Variants in TNFAIP8 observed in about 807,000 individuals in gnomAD.
The protein encoded by TNFAIP8 is TNF alpha induced protein 8.
In TNFAIP8, 7 loss-of-function variants were observed where a neutral mutation model predicts 13.3. The observed-to-expected ratio is 0.52, with a 90% confidence interval of 0.30 to 0.99. The LOEUF is 0.99. TNFAIP8 is among the 50% of genes least tolerant of loss of function. The pLI is 0.07. For synonymous variants in TNFAIP8, 94 were observed against 87.6 expected (o/e 1.07, Z -0.41); for missense variants, 258 against 236.9 (o/e 1.09, Z -0.58).
intron 1 of TNFAIP8, among the ~76,000 whole-genome samples, chr5:119,316,605 G>A (rs917814880): frequency 6.6e-6 from 1 of 152,152 alleles, no homozygotes; most frequent in Non-Finnish European, 1.5e-5. Context: ...CTCTAAGGCA[G>A]AGATTCTCAC....
chr5:119,277,531 T>G (rs768140471), intron 1 of TNFAIP8, among the ~76,000 whole-genome samples: 2 of 152,202 alleles, frequency 1.3e-5, no homozygotes, highest in Non-Finnish European at 2.9e-5. Context: ...TCTCCTCTTA[T>G]AAGGATACCA....
chr5:119,339,874 GATTA>G (rs1317705726), intron 1 of TNFAIP8, among the ~76,000 whole-genome samples: 1 of 152,156 alleles, frequency 6.6e-6, no homozygotes, highest in South Asian at 2.1e-4. Flanking sequence ...CACCATATTT[GATTA>G]ATTATTTTAT....
Position 119,394,484 on chromosome 5 carries a change from A to G in TNFAIP8, c.*1103A>G, listed in dbSNP as rs1162484760. ...TGTTTCTATATAATTTTCTGTGTAT[A>G]AATAATAAAGTAGGCATTTGTTTAT... On this transcript the variant is annotated 3_prime_UTR_variant, in exon 2 of 2. Coordinates refer to ENST00000504771, the MANE Select transcript of TNFAIP8 (RefSeq NM_014350.4). 6.6e-6 allele frequency: 1 copy of G among 152,286 alleles called. No homozygotes were observed. Among genetic ancestry groups the G allele is most frequent in the Non-Finnish European group, 1.5e-5 (1 of 68,030 alleles). The allele number at this position is 152,286 out of a possible 1,614,324, so 9.4% of individuals were successfully genotyped here.
chr5:119,356,259 C>G, intron 1 of TNFAIP8, 138 bp downstream of exon 1: 4 of 726,394 alleles, frequency 5.5e-6, no homozygotes, highest in Non-Finnish European at 8.6e-6. Context: ...GAAGCCAAGT[C>G]GGAGCTGGAT....
upstream of TNFAIP8, among the ~76,000 whole-genome samples, chr5:119,353,076 T>C (rs1378244636): frequency 6.6e-6 from 1 of 152,236 alleles, no homozygotes; most frequent in Non-Finnish European, 1.5e-5. Flanking sequence ...TGTTATTAAA[T>C]GAGAAGTGTT....
upstream of TNFAIP8, among the ~76,000 whole-genome samples, chr5:119,351,982 A>G (rs1468045628): frequency 6.6e-6 from 1 of 151,426 alleles, no homozygotes; most frequent in African/African-American, 2.4e-5. Context: ...TAGAGATGAG[A>G]TTTCACTGTC....
intron 1 of TNFAIP8, among the ~76,000 whole-genome samples, chr5:119,295,865 C>T (rs1314605862): frequency 6.6e-6 from 1 of 151,674 alleles, no homozygotes; most frequent in Non-Finnish European, 1.5e-5. Flanking sequence ...AAGTTGGATT[C>T]CTAGGTATTT....
chr5:119,288,847 G>C (rs1425616754), intron 1 of TNFAIP8, among the ~76,000 whole-genome samples: 1 of 152,214 alleles, frequency 6.6e-6, no homozygotes, highest in East Asian at 1.9e-4. Context: ...GAGAGAGAAG[G>C]GCATTTAAAA....
intron 1 of TNFAIP8, among the ~76,000 whole-genome samples, chr5:119,301,105 C>T (rs2112652057): frequency 6.6e-6 from 1 of 152,310 alleles, no homozygotes; most frequent in South Asian, 2.1e-4. Flanking sequence ...GCTTCCGGTC[C>T]ATTCCTGGAC....
At chr5:119,386,974 C>CCTCCCTCCCTCCCTCT (rs1752703327) in intron 1 of TNFAIP8, among the ~76,000 whole-genome samples, 1 of 133,440 alleles carries the variant, frequency 7.5e-6, no homozygotes, top group African/African-American at 2.8e-5. Flanking sequence ...TCCCTCCCTC[C>CCTCCCTCCCTCCCTCT]CTCCCTCTCT....
At chr5:119,292,147 G>A (rs1749007115) in intron 1 of TNFAIP8, among the ~76,000 whole-genome samples, 1 of 152,120 alleles carries the variant, frequency 6.6e-6, no homozygotes, top group African/African-American at 2.4e-5. Flanking sequence ...TGGGAGTAGG[G>A]GTGGGAAAGT....
chr5:119,367,982 C>G (rs545206167), intron 1 of TNFAIP8, among the ~76,000 whole-genome samples: 3 of 152,268 alleles, frequency 2.0e-5, no homozygotes, highest in African/African-American at 7.2e-5. Context: ...AGTCAGTATT[C>G]TCTCCTTGTT....
intron 1 of TNFAIP8, among the ~76,000 whole-genome samples, chr5:119,370,714 C>G (rs975406666): frequency 6.6e-6 from 1 of 152,222 alleles, no homozygotes; most frequent in African/African-American, 2.4e-5. Context: ...TCTGCTATCC[C>G]TAATGATTTA....
In TNFAIP8 at chr5:119,392,859, A is replaced by G. The variant is rs1188277494; in HGVS notation, c.75A>G (p.Ala25=). The G allele has an allele frequency of 2.6e-6, 4 of 1,561,542 alleles. No homozygotes were observed. Among genetic ancestry groups the G allele is most frequent in the Non-Finnish European group, 3.5e-6 (4 of 1,153,280 alleles). Residue 25 remains alanine (A), a synonymous_variant, in exon 2 of 2, where the codon GCA becomes GCG. Transcript: ENST00000504771. ...ATTCCAAAAACCTGGCCGTTCAGGC[A>G]CAAAAGAAGATCTTGGGTAAAATGG... ...VFNSKNLAVQ[A]QKKILGKMVS...
chr5:119,343,537 C>T (rs1443238913), intron 1 of TNFAIP8, among the ~76,000 whole-genome samples: 1 of 152,066 alleles, frequency 6.6e-6, no homozygotes, highest in Non-Finnish European at 1.5e-5. Flanking sequence ...TATCATAATT[C>T]AGTATTATGA....
At chr5:119,369,289 A>T (rs1182788215) in intron 1 of TNFAIP8, among the ~76,000 whole-genome samples, 1 of 152,046 alleles carries the variant, frequency 6.6e-6, no homozygotes, top group East Asian at 1.9e-4. Context: ...CATGACCTCA[A>T]GTGATCCGCC....
intron 1 of TNFAIP8, among the ~76,000 whole-genome samples, chr5:119,276,408 G>T (rs912180978): frequency 3.9e-5 from 6 of 152,130 alleles, no homozygotes; most frequent in African/African-American, 1.4e-4. Flanking sequence ...TTGAGCCACC[G>T]CACCTGGCCT....
chr5:119,329,325 G>A (rs1251792262), intron 1 of TNFAIP8, among the ~76,000 whole-genome samples: 1 of 152,098 alleles, frequency 6.6e-6, no homozygotes, highest in Non-Finnish European at 1.5e-5. Flanking sequence ...TGATAAAAAG[G>A]CCTACCTTCC....
upstream of TNFAIP8, among the ~76,000 whole-genome samples, chr5:119,353,225 C>CA (rs1205520104): frequency 6.6e-6 from 1 of 152,188 alleles, no homozygotes; most frequent in Non-Finnish European, 1.5e-5. Flanking sequence ...CAGGAGATAA[C>CA]AAATCATTAT....
Sources: gnomAD v4.1 joint callset for allele counts (sites outside exome capture counted in the v4.1 genomes callset) on GRCh38, gnomAD v4.1.1 for gene constraint, MANE v1.5 for transcripts, NCBI Gene and HGNC (gene_info 2026-07-23, HGNC 2026-07-21) for gene names.